Variants in RNPEP observed in about 807,000 individuals in gnomAD.
RNPEP encodes aminopeptidase B.
Under a neutral mutation model 70.1 loss-of-function variants are expected in RNPEP, and 57 were observed. That is an observed-to-expected ratio of 0.81 (90% confidence interval 0.66 to 1.01). RNPEP has a LOEUF of 1.01. Ranked by LOEUF, RNPEP falls within the 50% of genes least tolerant of loss-of-function variation. RNPEP has a pLI of 0.00. For missense variants in RNPEP, 787 were observed against 852.4 expected (o/e 0.92, Z 0.96); for synonymous variants, 335 against 357.4 (o/e 0.94, Z 0.71).
intron 6 of RNPEP, chr1:202,000,296 C>T: frequency 3.2e-6 from 1 of 313,930 alleles, no homozygotes. Flanking sequence ...CTTTCGCATT[C>T]CTTCATGATC....
Position 202,000,011 on chromosome 1 carries a change from A to T in RNPEP, c.1200A>T (p.Glu400Asp), listed in dbSNP as rs554948941. The change falls in exon 6 of 11, where the codon GAA (glutamate) becomes GAT (aspartate). Residue 400 changes from glutamate to aspartate, a missense_variant. By Grantham distance (45) the Glu-to-Asp change is conservative. Coordinates refer to ENST00000295640, the MANE Select transcript of RNPEP (RefSeq NM_020216.4). ...TCAACAAGCTCCGCGTGAAGATTGA[A>T]CCAGGTCCAGGAGGCTCCTCTGTCT... is the stretch of plus-strand genomic sequence containing the variant. ...NPLNKLRVKIEPGVDPDDTYN... is the reference protein window; with the variant it reads ...NPLNKLRVKIDPGVDPDDTYN... The T allele has an allele frequency of 6.2e-7, 1 of 1,612,438 alleles. No individual in the cohort carries two copies. Among genetic ancestry groups the T allele is most frequent in the African/African-American group, 1.3e-5 (1 of 75,002 alleles).
chr1:202,001,363 TCTC>T lies in RNPEP; in HGVS notation c.1205-9_1205-7del. The stretch of plus-strand genomic sequence containing the variant: ...ACAAAAGCTCAAATCTTGTCTGCTT[TCTC>T]CTCTGCCAGGCGTTGACCCGGACGA... On this transcript the variant is annotated splice_polypyrimidine_tract_variant and intron_variant, in intron 6 of 10. Transcript: ENST00000295640. 3 of 1,591,910 alleles carry T rather than the reference TCTC, an allele frequency of 1.9e-6. No homozygotes were observed. The Middle Eastern group carries it at 5.0e-4, about 264-fold the overall frequency.
In RNPEP at chr1:201,983,013, C is replaced by T. The variant is rs1682994736; in HGVS notation, c.347C>T (p.Ser116Leu). The T allele has an allele frequency of 1.3e-6, 2 of 1,524,188 alleles. No homozygotes were observed. The highest frequency in any genetic ancestry group is 1.4e-5 in the African/African-American group (1 of 69,476). 94.4% of individuals were successfully genotyped at this position (1,524,188 alleles called of 1,614,324 possible). A position where few individuals can be genotyped will look rare whatever the true frequency, so the allele number is the denominator to read the frequency against. Residue 116 changes from serine to leucine, a missense_variant, in exon 1 of 11, where the codon TCG becomes TTG. Ser to Leu is a moderately radical substitution (Grantham distance 145). Coordinates refer to ENST00000295640, the MANE Select transcript of RNPEP (RefSeq NM_020216.4). ...GTGAGCTTCTACACGCAGCCCTTCT[C>T]GCACTATGGCCAGGCCCTGTGCGTG... ...EPVSFYTQPF[S>L]HYGQALCVSF...
At chr1:201,999,784 G>C in intron 5 of RNPEP, 118 bp from the exon 6 acceptor site, 2 of 725,206 alleles carry the variant, frequency 2.8e-6, no homozygotes, top group Non-Finnish European at 4.7e-6. Context: ...TAAGCTTCAG[G>C]TATCTGTCGC....
intron 1 of RNPEP, among the ~76,000 whole-genome samples, chr1:201,984,633 C>A (rs1056469825): frequency 2.6e-5 from 4 of 151,730 alleles, no homozygotes; most frequent in Non-Finnish European, 5.9e-5. Context: ...AACAAAAAAG[C>A]AAAGATGATG....
At chr1:201,991,312 A>T (rs887602255) in intron 3 of RNPEP, among the ~76,000 whole-genome samples, 2 of 152,058 alleles carry the variant, frequency 1.3e-5, no homozygotes, top group African/African-American at 4.8e-5. Context: ...ACAGGGTTTC[A>T]CTATGTTGGC....
At position 202,005,587 on chromosome 1, in the gene RNPEP, C is replaced by T. The variant is rs2102987383; in HGVS notation, c.1824C>T (p.Tyr608=). 6.2e-7 allele frequency: 1 copy of T among 1,614,194 alleles called. No individual in the cohort carries two copies. Among genetic ancestry groups the T allele is most frequent in the Non-Finnish European group, 8.5e-7 (1 of 1,180,042 alleles). ...QGKQKYTLPL[Y]HAMMGGSEVA... is the part of the protein sequence containing the mutation. ...AGCAGAAGTATACACTTCCGCTGTA[C>T]CACGCAATGATGGGTGGCAGTGAGG... The change falls in exon 11 of 11, where the codon TAC becomes TAT. Residue 608 remains tyrosine, a synonymous_variant. Transcript: ENST00000295640.
At chr1:201,999,116 C>G (rs1328976318) in intron 5 of RNPEP, among the ~76,000 whole-genome samples, 3 of 151,614 alleles carry the variant, frequency 2.0e-5, no homozygotes, top group Non-Finnish European at 4.4e-5. Context: ...ACTTGGTAAG[C>G]TGAGATAGGA....
intron 4 of RNPEP, 198 bp downstream of exon 4, chr1:201,996,461 T>G (rs1571635966): frequency 1.9e-3 from 640 of 329,550 alleles, no homozygotes; most frequent in East Asian, 5.3e-3. Context: ...GGAGATGAGG[T>G]TCTTTGTGTG....
intron 3 of RNPEP, 120 bp downstream of exon 3, chr1:201,989,651 G>C: frequency 9.8e-7 from 1 of 1,021,030 alleles, no homozygotes. Flanking sequence ...TGAGTCCAGA[G>C]CCTTTCTGCA....
At chr1:201,989,362 C>T in intron 2 of RNPEP, 21 bp from the exon 3 acceptor site, 1 of 1,611,940 alleles carries the variant, frequency 6.2e-7, no homozygotes, top group Non-Finnish European at 8.5e-7. Flanking sequence ...GTAAAATCTC[C>T]TAAGCTTTCT....
rs16439 is a variant in RNPEP, at chr1:202,006,041, TTCTG to T, written c.*328_*331del. On this transcript the variant is annotated 3_prime_UTR_variant, in exon 11 of 11. Transcript: ENST00000295640. ...GGACTGATGCTCTTCTTTTTTCTCTTTCTGTCCTTTTTCTTGCTGATTTTATGCA... is the reference window on the plus strand; with the variant it reads ...GGACTGATGCTCTTCTTTTTTCTCTTTCCTTTTTCTTGCTGATTTTATGCA... 71,707 of 256,872 alleles carry T rather than the reference TTCTG, an allele frequency of 0.28. 10,873 individuals carry two copies. Among genetic ancestry groups the T allele is most frequent in the South Asian group, 0.49 (3,802 of 7,798 alleles). 15.9% of individuals were successfully genotyped at this position (256,872 alleles called of 1,614,324 possible).
Position 201,983,063 on chromosome 1 carries a change from G to T in RNPEP, c.397G>T (p.Ala133Ser), listed in dbSNP as rs1281876553. The T allele has an allele frequency of 7.2e-6, 11 of 1,525,262 alleles. No homozygotes were observed. Among genetic ancestry groups the T allele is most frequent in the Middle Eastern group, 2.0e-4 (1 of 4,958 alleles). The allele number at this position is 1,525,262 out of a possible 1,614,324, so 94.5% of individuals were successfully genotyped here. The change falls in exon 1 of 11, where the codon GCC (alanine) becomes TCC (serine). Residue 133 changes from alanine (A) to serine (S), a missense_variant. Physicochemically the swap from Ala to Ser is moderately conservative, Grantham distance 99. Coordinates refer to ENST00000295640, the MANE Select transcript of RNPEP (RefSeq NM_020216.4). ...CVSFPQPCRA[A>S]ERLQVLLTYR... ...GTCCTTCCCGCAGCCCTGCCGCGCC[G>T]CCGAGCGCCTCCAGGTGCTGCTCAC...
At chr1:201,994,195 C>T (rs1683457167) in intron 3 of RNPEP, among the ~76,000 whole-genome samples, 1 of 152,182 alleles carries the variant, frequency 6.6e-6, no homozygotes, top group South Asian at 2.1e-4. Context: ...TTGCCCAAGG[C>T]TCTGTCTTTG....
At chr1:201,986,910 C>T (rs890549480) in intron 1 of RNPEP, among the ~76,000 whole-genome samples, 18 of 152,144 alleles carry the variant, frequency 1.2e-4, no homozygotes, top group Non-Finnish European at 2.2e-4. Context: ...GCGTTAACCT[C>T]GGTCCCCTGG....
intron 1 of RNPEP, among the ~76,000 whole-genome samples, chr1:201,985,124 C>T (rs1257479476): frequency 6.6e-6 from 1 of 150,830 alleles, no homozygotes; most frequent in Non-Finnish European, 1.5e-5. Context: ...ATCTGGGACA[C>T]AGAGGTTGCA....
intron 3 of RNPEP, among the ~76,000 whole-genome samples, chr1:201,994,339 C>T (rs1683462740): frequency 6.6e-6 from 1 of 152,166 alleles, no homozygotes; most frequent in African/African-American, 2.4e-5. Flanking sequence ...GCTTAAAATG[C>T]TCCCATGGCT....
chr1:201,986,247 T>C (rs929623772), intron 1 of RNPEP, among the ~76,000 whole-genome samples: 1 of 31,212 alleles, frequency 3.2e-5, no homozygotes, highest in African/African-American at 8.3e-5. Flanking sequence ...CAGTTTTTTG[T>C]TTTTTATTTT....
At chr1:202,002,734 C>G (rs13375435) in intron 8 of RNPEP, among the ~76,000 whole-genome samples, 3 of 152,032 alleles carry the variant, frequency 2.0e-5, no homozygotes, top group Non-Finnish European at 4.4e-5. Flanking sequence ...ATGCATCAGG[C>G]GATACGCTAA....
Sources: gnomAD v4.1 joint callset for allele counts (sites outside exome capture counted in the v4.1 genomes callset) on GRCh38, gnomAD v4.1.1 for gene constraint, MANE v1.5 for transcripts, NCBI Gene and HGNC (gene_info 2026-07-23, HGNC 2026-07-21) for gene names.